SLC24A4: variants seen among roughly 807,000 people sequenced by gnomAD.
SLC24A4 encodes the protein solute carrier family 24 member 4.
Under a neutral mutation model 79.0 loss-of-function variants are expected in SLC24A4, and 53 were observed. That is an observed-to-expected ratio of 0.67 (90% confidence interval 0.54 to 0.84). The LOEUF (loss-of-function observed/expected upper bound fraction) is 0.84, where lower values mean the gene tolerates loss of function less well. Ranked by LOEUF, SLC24A4 falls within the 40% of genes least tolerant of loss-of-function variation. The probability of loss-of-function intolerance (pLI) is 0.00; values close to 1 mark genes in which losing one functional copy is unlikely to be tolerated. For missense variants in SLC24A4, 731 were observed against 822.0 expected (o/e 0.89, Z 1.35); for synonymous variants, 323 against 323.8 (o/e 1.00, Z 0.03).
chr14:92,401,427 C>T (rs1332372393), intron 2 of SLC24A4, among the ~76,000 whole-genome samples: 1 of 152,132 alleles, frequency 6.6e-6, no homozygotes, highest in East Asian at 1.9e-4. Flanking sequence ...ATCCTGTGGG[C>T]TAGTATGGCC....
At chr14:92,325,357 T>C (rs1885065978) in intron 1 of SLC24A4, among the ~76,000 whole-genome samples, 1 of 152,216 alleles carries the variant, frequency 6.6e-6, no homozygotes, top group Non-Finnish European at 1.5e-5. Flanking sequence ...AGCTTGTTAG[T>C]GCAGAATCCC....
intron 12 of SLC24A4, among the ~76,000 whole-genome samples, chr14:92,482,033 A>G (rs1397912397): frequency 6.6e-6 from 1 of 152,222 alleles, no homozygotes; most frequent in Non-Finnish European, 1.5e-5. Context: ...GTCTTGCACC[A>G]GTCTTGACTA....
intron 2 of SLC24A4, among the ~76,000 whole-genome samples, chr14:92,336,250 A>G (rs1258214779): frequency 6.6e-6 from 1 of 152,250 alleles, no homozygotes; most frequent in Non-Finnish European, 1.5e-5. Context: ...GTAACAGAAA[A>G]GTTGAATACT....
chr14:92,349,060 G>A (rs1373205597), intron 2 of SLC24A4, among the ~76,000 whole-genome samples: 1 of 151,556 alleles, frequency 6.6e-6, no homozygotes, highest in African/African-American at 2.4e-5. Flanking sequence ...GGGAAAATGG[G>A]ATAACCCCCC....
rs768955114 is a variant in SLC24A4, at chr14:92,442,753, C to G, written c.519C>G (p.Ile173Met). The G allele has an allele frequency of 8.1e-6, 13 of 1,614,102 alleles. No individual in the cohort carries two copies. The highest frequency in any genetic ancestry group is 1.1e-5 in the Non-Finnish European group (13 of 1,179,976). The change falls in exon 6 of 17, where the codon ATC becomes ATG. Residue 173 changes from isoleucine to methionine, a missense_variant. By Grantham distance (10) the Ile-to-Met change is conservative. Coordinates refer to ENST00000532405, the MANE Select transcript of SLC24A4 (RefSeq NM_153646.4). ...ITHGDVGVGT[I>M]VGSAVFNILC... ...ATGGGGACGTCGGGGTGGGCACCAT[C>G]GTGGGCTCTGCTGTGTTCAACATCC... is the stretch of plus-strand genomic sequence containing the variant.
chr14:92,489,633 A>G (rs1046051446), intron 14 of SLC24A4, among the ~76,000 whole-genome samples: 1 of 152,158 alleles, frequency 6.6e-6, no homozygotes. Flanking sequence ...CAGACTCCCA[A>G]GCTGTGCCCC....
At chr14:92,324,164 C>A (rs745964159) in intron 1 of SLC24A4, among the ~76,000 whole-genome samples, 2 of 152,046 alleles carry the variant, frequency 1.3e-5, no homozygotes, top group Non-Finnish European at 2.9e-5. Context: ...CCCTGAGCTA[C>A]GAGCGGCCCC....
rs762811254 is a variant in SLC24A4, at chr14:92,486,712, G to T, written c.1469G>T (p.Gly490Val). The T allele has an allele frequency of 6.2e-7, 1 of 1,614,108 alleles. No homozygotes were observed. The highest frequency in any genetic ancestry group is 1.6e-4 in the Middle Eastern group (1 of 6,062). ...YTLGIPDVIM[G>V]ITFLAAGTSV... is the part of the protein sequence containing the mutation. ...CTTGGGATCCCGGATGTCATCATGG[G>T]CATTACTTTCCTGGCAGCAGGGACA... is the stretch of plus-strand genomic sequence containing the variant. The change falls in exon 14 of 17, where the codon GGC (glycine) becomes GTC (valine). Residue 490 changes from glycine (G) to valine (V), a missense_variant. Transcript: ENST00000532405.
chr14:92,463,747 C>T (rs1595330135), intron 12 of SLC24A4, among the ~76,000 whole-genome samples: 1 of 152,182 alleles, frequency 6.6e-6, no homozygotes, highest in Non-Finnish European at 1.5e-5. Context: ...TCGTCATCAA[C>T]ATCAGTTTCT....
chr14:92,449,799 G>A (rs1893032958), intron 10 of SLC24A4, among the ~76,000 whole-genome samples: 1 of 152,250 alleles, frequency 6.6e-6, no homozygotes, highest in South Asian at 2.1e-4. Flanking sequence ...CCCTTCCCCT[G>A]GGGCAGCAGC....
chr14:92,432,645 A>G (rs113970036), intron 2 of SLC24A4, among the ~76,000 whole-genome samples: 17 of 152,334 alleles, frequency 1.1e-4, no homozygotes, highest in African/African-American at 3.8e-4. Flanking sequence ...TTGATTACAA[A>G]AAAAGAGAGA....
At chr14:92,493,313 G>A (rs1370372034) in intron 16 of SLC24A4, among the ~76,000 whole-genome samples, 163 bp from the exon 17 acceptor site, 4 of 152,152 alleles carry the variant, frequency 2.6e-5, no homozygotes, top group Admixed American at 6.5e-5. Context: ...GCCCTCTAGG[G>A]CTTATTCTGG....
At chr14:92,405,997 G>A (rs1890353523) in intron 2 of SLC24A4, among the ~76,000 whole-genome samples, 1 of 152,170 alleles carries the variant, frequency 6.6e-6, no homozygotes, top group South Asian at 2.1e-4. Context: ...TTCTGCCTAT[G>A]AGCCTGTAAA....
At chr14:92,484,309 C>T (rs1315949336) in intron 13 of SLC24A4, 3 of 985,406 alleles carry the variant, frequency 3.0e-6, no homozygotes, top group Non-Finnish European at 3.6e-6. Flanking sequence ...AGAGACCTGC[C>T]GCAACCTCTG....
Position 92,484,073 on chromosome 14 carries a change from C to T in SLC24A4, c.1422+1227C>T, listed in dbSNP as rs1300048635. On this transcript the variant is annotated intron_variant, in intron 13 of 16. Transcript: ENST00000532405. ...CCCTCTATGAAGTGGGGGTGATCATCACTCTCTTACAAGGCCATTGGGAGA... is the reference window on the plus strand; with the variant it reads ...CCCTCTATGAAGTGGGGGTGATCATTACTCTCTTACAAGGCCATTGGGAGA... The T allele has an allele frequency of 6.1e-6, 6 of 985,244 alleles. No homozygotes were observed. The African/African-American group carries it at 7.0e-5, about 11-fold the overall frequency. The allele number at this position is 985,244 out of a possible 1,614,324, so 61.0% of individuals were successfully genotyped here.
At chr14:92,439,783 C>T (rs1892389686) in intron 4 of SLC24A4, among the ~76,000 whole-genome samples, 1 of 152,204 alleles carries the variant, frequency 6.6e-6, no homozygotes, top group Non-Finnish European at 1.5e-5. Context: ...CAGGTGGGCC[C>T]ACCCCCACCC....
chr14:92,424,252 G>T (rs547036871), intron 2 of SLC24A4, among the ~76,000 whole-genome samples: 2 of 152,294 alleles, frequency 1.3e-5, no homozygotes, highest in African/African-American at 4.8e-5. Context: ...GATGGTATTT[G>T]GAGATAGTGC....
intron 12 of SLC24A4, among the ~76,000 whole-genome samples, chr14:92,475,739 C>T (rs1025992013): frequency 6.6e-6 from 1 of 152,130 alleles, no homozygotes. Flanking sequence ...TGACCATGAC[C>T]TACAGGAATA....
chr14:92,325,789 A>T, intron 1 of SLC24A4, 79 bp from the exon 2 acceptor site: 1 of 805,106 alleles, frequency 1.2e-6, no homozygotes, highest in African/African-American at 1.7e-5. Flanking sequence ...GCTGACATAG[A>T]CACACAAATG....
Sources: allele counts gnomAD v4.1 joint callset (sites outside exome capture counted in the v4.1 genomes callset), GRCh38; gene constraint gnomAD v4.1.1; transcripts MANE v1.5; gene names NCBI Gene and HGNC (gene_info 2026-07-23, HGNC 2026-07-21).